Variants in NBEA observed in about 807,000 individuals in gnomAD.
NBEA encodes neurobeachin, also known as lysosomal-trafficking regulator 2.
Under a neutral mutation model 343.4 loss-of-function variants are expected in NBEA, and 44 were observed. The ratio of observed to expected loss-of-function variants is 0.13; its 90% CI spans 0.10 to 0.16. The LOEUF is 0.16. Ranked by LOEUF, NBEA falls within the 10% of genes least tolerant of loss-of-function variation. NBEA has a pLI of 1.00. For synonymous variants in NBEA, 1,175 were observed against 1,238.7 expected (o/e 0.95, Z 1.08); for missense variants, 2,555 against 3,631.3 (o/e 0.70, Z 7.62).
At chr13:35,202,450 A>T (rs2073089492) in intron 31 of NBEA, among the ~76,000 whole-genome samples, 1 of 152,192 alleles carries the variant, frequency 6.6e-6, no homozygotes, top group Admixed American at 6.5e-5. Flanking sequence ...ATGAATAATT[A>T]TAAAACTCAC....
intron 10 of NBEA, among the ~76,000 whole-genome samples, chr13:35,091,471 T>C (rs549311595): frequency 6.6e-6 from 1 of 152,022 alleles, no homozygotes; most frequent in South Asian, 2.1e-4. Context: ...AAAATGAAAG[T>C]CATACAGATT....
chr13:35,353,303 C>T (rs370627183), intron 38 of NBEA, among the ~76,000 whole-genome samples: 4 of 151,994 alleles, frequency 2.6e-5, no homozygotes, highest in Non-Finnish European at 2.9e-5. Flanking sequence ...GGCGTGGTGG[C>T]GGGCACCTGT....
At chr13:35,236,703 G>A (rs1278113953) in intron 34 of NBEA, among the ~76,000 whole-genome samples, 5 of 150,818 alleles carry the variant, frequency 3.3e-5, no homozygotes, top group South Asian at 2.1e-4. Flanking sequence ...TGATCCGCCC[G>A]CCTCGGCCTC....
At chr13:35,192,453 A>G (rs1302488373) in intron 30 of NBEA, among the ~76,000 whole-genome samples, 4 of 152,020 alleles carry the variant, frequency 2.6e-5, no homozygotes, top group Non-Finnish European at 4.4e-5. Context: ...TGCTTTACAA[A>G]ACATATTTAT....
intron 44 of NBEA, among the ~76,000 whole-genome samples, chr13:35,564,209 T>C (rs930980414): frequency 6.6e-6 from 1 of 152,108 alleles, no homozygotes; most frequent in African/African-American, 2.4e-5. Context: ...ATATAAATTA[T>C]AAAACTTCAT....
At chr13:35,114,111 T>C (rs1239565716) in intron 13 of NBEA, among the ~76,000 whole-genome samples, 1 of 152,206 alleles carries the variant, frequency 6.6e-6, no homozygotes, top group African/African-American at 2.4e-5. Context: ...GAAACCAAGA[T>C]GTGGATGTGA....
At chr13:35,250,542 G>A (rs985618924) in intron 34 of NBEA, among the ~76,000 whole-genome samples, 7 of 152,236 alleles carry the variant, frequency 4.6e-5, no homozygotes, top group Non-Finnish European at 7.4e-5. Flanking sequence ...TATTAGGAAA[G>A]GTGTAGAGTT....
intron 47 of NBEA, among the ~76,000 whole-genome samples, chr13:35,603,777 C>T (rs866358945): frequency 3.3e-5 from 5 of 152,264 alleles, no homozygotes; most frequent in Admixed American, 2.0e-4. Flanking sequence ...CACTCCCAAC[C>T]GAGCAGCTGC....
chr13:35,474,054 A>T (rs974499063), intron 41 of NBEA: 4 of 152,128 alleles, frequency 2.6e-5, no homozygotes, highest in Non-Finnish European at 5.9e-5. Context: ...TTATGGACCT[A>T]TACAGAAAGA....
chr13:35,485,782 C>T (rs2076284975), intron 41 of NBEA, among the ~76,000 whole-genome samples: 1 of 152,064 alleles, frequency 6.6e-6, no homozygotes, highest in South Asian at 2.1e-4. Context: ...ATGAAATGAT[C>T]AGCTGTGATA....
chr13:35,221,253 A>C (rs1035989928), intron 33 of NBEA, among the ~76,000 whole-genome samples: 2 of 151,976 alleles, frequency 1.3e-5, no homozygotes, highest in South Asian at 2.1e-4. Flanking sequence ...CTGAGGCAGA[A>C]GAATTGTTTG....
chr13:35,508,011 C>A (rs965747917), intron 41 of NBEA, among the ~76,000 whole-genome samples: 2 of 152,090 alleles, frequency 1.3e-5, no homozygotes, highest in Non-Finnish European at 2.9e-5. Flanking sequence ...TTGTGGAGCA[C>A]CTACATATGC....
At chr13:35,318,839 A>G (rs1372586339) in intron 36 of NBEA, among the ~76,000 whole-genome samples, 2 of 152,102 alleles carry the variant, frequency 1.3e-5, no homozygotes, top group East Asian at 1.9e-4. Flanking sequence ...GGGAGGGTGT[A>G]TGTGTCCAGG....
chr13:35,426,921 G>A (rs1050059820), intron 38 of NBEA, among the ~76,000 whole-genome samples: 7 of 151,972 alleles, frequency 4.6e-5, no homozygotes, highest in African/African-American at 7.3e-5. Flanking sequence ...CCAGTTGATC[G>A]CATCGGCTAC....
At chr13:35,439,654 A>G (rs1055870240) in intron 39 of NBEA, among the ~76,000 whole-genome samples, 2 of 152,214 alleles carry the variant, frequency 1.3e-5, no homozygotes, top group Non-Finnish European at 2.9e-5. Flanking sequence ...TGGGTGCAGC[A>G]CACCAACATG....
chr13:35,099,795 T>A (rs1593341816), intron 11 of NBEA, among the ~76,000 whole-genome samples: 2 of 152,324 alleles, frequency 1.3e-5, no homozygotes, highest in Middle Eastern at 6.8e-3. Context: ...GTCAAAGCTG[T>A]GCTTTTATGA....
chr13:35,413,754 T>A (rs1381891735), intron 38 of NBEA, among the ~76,000 whole-genome samples: 1 of 152,146 alleles, frequency 6.6e-6, no homozygotes, highest in Non-Finnish European at 1.5e-5. Context: ...TTTCTTGCAG[T>A]AGTACACTGT....
rs2079267007 is a variant in NBEA at position 35,550,531 on chromosome 13, G to A, written c.6640G>A (p.Ala2214Thr). 1 of 1,613,320 alleles carries A rather than the reference G, an allele frequency of 6.2e-7. No individual in the cohort carries two copies. The highest frequency in any genetic ancestry group is 8.5e-7 in the Non-Finnish European group (1 of 1,179,558). The stretch of plus-strand genomic sequence containing the variant: ...AAAATGGATGTTCAGCGAGATACGA[G>A]CTGTATTTTCAAGACGTTACCTTCT... ...HGKWMFSEIR[A>T]VFSRRYLLQN... The change falls in exon 42 of 59, where the codon GCT becomes ACT. Residue 2214 changes from alanine to threonine, a missense_variant. Ala to Thr is a moderately conservative substitution (Grantham distance 58). This residue lies in a region of NBEA where 246 missense variants were observed against 313.7 expected (regional missense o/e 0.78). Coordinates refer to ENST00000379939, the MANE Select transcript of NBEA (RefSeq NM_001385012.1).
chr13:34,959,023 T>A (rs1055528740), intron 1 of NBEA, among the ~76,000 whole-genome samples: 1 of 152,080 alleles, frequency 6.6e-6, no homozygotes, highest in African/African-American at 2.4e-5. Flanking sequence ...GCAAATTGAG[T>A]TACAGTTTTC....
Sources: allele counts gnomAD v4.1 joint callset (sites outside exome capture counted in the v4.1 genomes callset), GRCh38; gene constraint gnomAD v4.1.1; regional missense constraint gnomAD v4.1.1; transcripts MANE v1.5; gene names NCBI Gene and HGNC (gene_info 2026-07-23, HGNC 2026-07-21).